The following TTC6 variants were observed in gnomAD, a reference collection of about 807,000 sequenced individuals.
The protein encoded by TTC6 is tetratricopeptide repeat protein 6.
A neutral mutation model predicts 210.4 loss-of-function variants in TTC6; 172 were observed. That is an observed-to-expected ratio of 0.82 (90% CI 0.72 to 0.93). The LOEUF is 0.93. Among genes scored for constraint, TTC6 ranks in the 40% least tolerant of loss-of-function variants. The pLI, the probability that TTC6 is intolerant of heterozygous loss-of-function variation, is 0.00. For missense variants in TTC6, 2,414 were observed against 2,318.1 expected (o/e 1.04, Z -0.85); for synonymous variants, 804 against 819.6 (o/e 0.98, Z 0.32).
At chr14:37,682,634 C>G (rs1046018680) in intron 2 of TTC6, 124 bp from the exon 5 acceptor site, 5 of 783,230 alleles carry the variant, frequency 6.4e-6, no homozygotes, top group Non-Finnish European at 1.0e-5. Context: ...AACTCATCAC[C>G]TATGCTTAGT....
intron 14 of TTC6, among the ~76,000 whole-genome samples, chr14:37,761,992 C>A (rs1241158014): frequency 6.6e-6 from 1 of 152,100 alleles, no homozygotes; most frequent in Non-Finnish European, 1.5e-5. Context: ...TTCATAACAC[C>A]CAACCTCTAA....
At chr14:37,653,121 A>C (rs557826971) in intron 1 of TTC6, among the ~76,000 whole-genome samples, 3 of 152,302 alleles carry the variant, frequency 2.0e-5, no homozygotes, top group African/African-American at 7.2e-5. Flanking sequence ...GATCTGGTAT[A>C]ATCAGGATTA....
intron 7 of TTC6, among the ~76,000 whole-genome samples, chr14:37,732,243 C>T (rs1373803917): frequency 7.6e-6 from 1 of 132,432 alleles, no homozygotes; most frequent in African/African-American, 3.0e-5. Flanking sequence ...AGTGCAGTGG[C>T]GCGATCTAGG....
intron 10 of TTC6, among the ~76,000 whole-genome samples, chr14:37,740,439 T>C (rs1453976433): frequency 6.6e-6 from 1 of 151,788 alleles, no homozygotes; most frequent in Admixed American, 6.6e-5. Context: ...TTTATTAAAC[T>C]TGTGTCCTTT....
intron 7 of TTC6, among the ~76,000 whole-genome samples, chr14:37,725,348 A>ATATATG (rs1555391430): frequency 0.018 from 2,054 of 112,994 alleles, 56 homozygotes; most frequent in Non-Finnish European, 0.026. Flanking sequence ...ATATATATAT[A>ATATATG]TATATATATA....
intron 5 of TTC6, among the ~76,000 whole-genome samples, chr14:37,705,778 A>C (rs1336751452): frequency 1.3e-5 from 2 of 150,712 alleles, no homozygotes; most frequent in African/African-American, 2.4e-5. Flanking sequence ...GCTATGTGGA[A>C]ACATGTAAGA....
intron 14 of TTC6, among the ~76,000 whole-genome samples, chr14:37,774,602 G>C (rs1348909098): frequency 6.6e-6 from 1 of 152,158 alleles, no homozygotes; most frequent in Non-Finnish European, 1.5e-5. Context: ...GCTCATGGTG[G>C]ATTAGCTTTT....
chr14:37,704,242 A>T (rs1372367447), intron 5 of TTC6, among the ~76,000 whole-genome samples: 2 of 152,052 alleles, frequency 1.3e-5, no homozygotes, highest in African/African-American at 4.8e-5. Flanking sequence ...TTTTGTAGAC[A>T]TAGAGTCTCA....
chr14:37,595,635 G>A (rs2095602662), upstream of TTC6, among the ~76,000 whole-genome samples: 1 of 152,132 alleles, frequency 6.6e-6, no homozygotes, highest in Non-Finnish European at 1.5e-5. Context: ...AGCCGGAGAA[G>A]GCCGGGGGCG....
chr14:37,649,542 T>G (rs1222267599), intron 1 of TTC6, among the ~76,000 whole-genome samples: 1 of 152,184 alleles, frequency 6.6e-6, no homozygotes, highest in Non-Finnish European at 1.5e-5. Context: ...CCGAATCACT[T>G]GTCATTTATT....
chr14:37,623,810 T>G (rs979298681), intron 1 of TTC6, among the ~76,000 whole-genome samples: 7 of 152,316 alleles, frequency 4.6e-5, no homozygotes, highest in African/African-American at 1.7e-4. Context: ...GGCAGGAAGC[T>G]AAGCTAGATG....
chr14:37,622,627 G>C (rs1271725414), exon 1 of TTC6: 1 of 1,535,152 alleles, frequency 6.5e-7, no homozygotes, highest in South Asian at 1.2e-5. Flanking sequence ...CGCGAACAGA[G>C]CCAGGAGGTA....
intron 14 of TTC6, among the ~76,000 whole-genome samples, chr14:37,767,016 T>C (rs1198821567): frequency 6.6e-6 from 1 of 152,160 alleles, no homozygotes; most frequent in Admixed American, 6.6e-5. Flanking sequence ...GATCTCATTG[T>C]TCAATTCCCA....
chr14:37,828,711 A>G (rs540030085), intron 29 of TTC6, among the ~76,000 whole-genome samples: 1 of 152,184 alleles, frequency 6.6e-6, no homozygotes, highest in South Asian at 2.1e-4. Context: ...ATGAAGTCTA[A>G]TATAAAAACA....
At chr14:37,708,212 A>C (rs2095838963) in intron 5 of TTC6, among the ~76,000 whole-genome samples, 1 of 152,030 alleles carries the variant, frequency 6.6e-6, no homozygotes, top group South Asian at 2.1e-4. Flanking sequence ...ATATATGAGT[A>C]ATTATTTTGA....
intron 1 of TTC6, among the ~76,000 whole-genome samples, chr14:37,603,529 A>G (rs2095619675): frequency 2.0e-5 from 3 of 152,318 alleles, no homozygotes; most frequent in African/African-American, 7.2e-5. Flanking sequence ...TTTTTGCTGA[A>G]TATCCAGGTT....
exon 1 of TTC6, chr14:37,622,424 T>G: frequency 6.5e-7 from 1 of 1,534,874 alleles, no homozygotes; most frequent in Non-Finnish European, 8.7e-7. Context: ...CCCGGGACTT[T>G]TACTTGCGGA....
intron 3 of TTC6, among the ~76,000 whole-genome samples, chr14:37,690,540 T>G (rs2138611282): frequency 6.6e-6 from 1 of 152,206 alleles, no homozygotes; most frequent in East Asian, 1.9e-4. Context: ...GAAAAAGATA[T>G]TCCATGCCAA....
chr14:37,748,796 G>T, intron 10 of TTC6, 143 bp from the exon 13 acceptor site: 2 of 627,654 alleles, frequency 3.2e-6, no homozygotes, highest in East Asian at 2.9e-5. Context: ...TTTATTAAAT[G>T]AAAAGGAGAA....
Sources: gnomAD v4.1 joint callset for allele counts (sites outside exome capture counted in the v4.1 genomes callset) on GRCh38, gnomAD v4.1.1 for gene constraint, MANE v1.5 for transcripts, NCBI Gene and HGNC (gene_info 2026-07-23, HGNC 2026-07-21) for gene names.